The following HDAC9 variants were observed in gnomAD, a reference collection of about 807,000 sequenced individuals.
HDAC9 encodes MEF-2 interacting transcription repressor (MITR) protein.
A neutral mutation model predicts 139.4 loss-of-function variants in HDAC9; 41 were observed. That is an observed-to-expected ratio of 0.29 (90% CI 0.23 to 0.38). The LOEUF is 0.38. Among genes scored for constraint, HDAC9 ranks in the 10% least tolerant of loss-of-function variants. The probability of loss-of-function intolerance (pLI) is 1.00; values close to 1 mark genes in which losing one functional copy is unlikely to be tolerated. For missense variants in HDAC9, 1,147 were observed against 1,297.0 expected (o/e 0.88, Z 1.78); for synonymous variants, 517 against 476.2 (o/e 1.09, Z -1.12).
intron 25 of HDAC9, among the ~76,000 whole-genome samples, chr7:18,991,576 G>A (rs1488087573): frequency 2.0e-5 from 3 of 151,924 alleles, no homozygotes; most frequent in South Asian, 2.1e-4. Context: ...GGCGGAGCTT[G>A]CAGTGAGCGG....
intron 1 of HDAC9, among the ~76,000 whole-genome samples, chr7:18,422,103 T>G (rs1234010883): frequency 6.6e-6 from 1 of 152,220 alleles, no homozygotes; most frequent in Non-Finnish European, 1.5e-5. Context: ...AGAGGACATA[T>G]TCTCACATCT....
intron 6 of HDAC9, among the ~76,000 whole-genome samples, chr7:18,600,878 G>A (rs560206450): frequency 6.6e-6 from 1 of 152,278 alleles, no homozygotes; most frequent in South Asian, 2.1e-4. Flanking sequence ...AGGCTGCAGT[G>A]CAGTGGTGCA....
At chr7:18,959,069 T>G (rs1419300549) in intron 24 of HDAC9, among the ~76,000 whole-genome samples, 1 of 152,116 alleles carries the variant, frequency 6.6e-6, no homozygotes, top group Non-Finnish European at 1.5e-5. Flanking sequence ...CCCACCCTAG[T>G]GATTTACAGC....
intron 1 of HDAC9, among the ~76,000 whole-genome samples, chr7:18,335,448 A>G (rs1781515389): frequency 6.6e-6 from 1 of 151,506 alleles, no homozygotes; most frequent in South Asian, 2.1e-4. Flanking sequence ...CATCAGGCCC[A>G]CAATGGTCTT....
At chr7:18,129,871 G>A (rs985901948) in intron 1 of HDAC9, among the ~76,000 whole-genome samples, 1 of 152,144 alleles carries the variant, frequency 6.6e-6, no homozygotes, top group Non-Finnish European at 1.5e-5. Flanking sequence ...GTGTTAGGGA[G>A]AGCATCCGGT....
rs780151752 is a variant in HDAC9 at position 18,727,695 on chromosome 7, C to A, written c.1847C>A (p.Pro616His). 1.3e-6 allele frequency: 2 copies of A among 1,583,194 alleles called. No homozygotes were observed. Among genetic ancestry groups the A allele is most frequent in the Admixed American group, 3.8e-5 (2 of 52,238 alleles). The change falls in exon 13 of 26, where the codon CCT becomes CAT. Residue 616 changes from proline (P) to histidine (H), a missense_variant. Coordinates refer to ENST00000686413, the MANE Select transcript of HDAC9 (RefSeq NM_178425.4). Reference sequence around the variant, plus strand: ...CTCGTCTCCAGGACTCACTCTTCCCCTGCTGCCTCTGTTTTACCTCACCCA... The same window carrying A: ...CTCGTCTCCAGGACTCACTCTTCCCATGCTGCCTCTGTTTTACCTCACCCA... ...HRLVSRTHSSPAASVLPHPAM... is the reference protein window; with the variant it reads ...HRLVSRTHSSHAASVLPHPAM...
chr7:18,935,487 G>A (rs1356201473), intron 22 of HDAC9, among the ~76,000 whole-genome samples: 1 of 152,132 alleles, frequency 6.6e-6, no homozygotes, highest in Non-Finnish European at 1.5e-5. Context: ...GTTAACACCT[G>A]CTGAAGAGTA....
intron 2 of HDAC9, among the ~76,000 whole-genome samples, chr7:18,196,394 T>C (rs1272950488): frequency 6.6e-6 from 1 of 152,146 alleles, no homozygotes; most frequent in Non-Finnish European, 1.5e-5. Context: ...AGGTAAAGCT[T>C]CAGACAAACC....
At chr7:18,706,160 C>CTTTTT (rs1165670432) in intron 12 of HDAC9, among the ~76,000 whole-genome samples, 3 of 86,760 alleles carry the variant, frequency 3.5e-5, no homozygotes, top group Non-Finnish European at 4.3e-5. Flanking sequence ...GAAAGTTTTC[C>CTTTTT]TTTTTTTTTT....
intron 2 of HDAC9, among the ~76,000 whole-genome samples, chr7:18,512,923 G>A (rs1367130435): frequency 6.6e-6 from 1 of 152,164 alleles, no homozygotes; most frequent in Non-Finnish European, 1.5e-5. Context: ...TGATTATTTG[G>A]TTTGGGCAGG....
At chr7:18,822,865 T>G (rs1409293376) in intron 17 of HDAC9, among the ~76,000 whole-genome samples, 1 of 152,184 alleles carries the variant, frequency 6.6e-6, no homozygotes, top group African/African-American at 2.4e-5. Context: ...CTAACACAAG[T>G]TGTTAGGATT....
intron 2 of HDAC9, among the ~76,000 whole-genome samples, chr7:18,571,160 T>G (rs941301334): frequency 6.6e-6 from 1 of 152,262 alleles, no homozygotes. Context: ...ATTTTTAAAA[T>G]GTTTTAACGT....
intron 1 of HDAC9, among the ~76,000 whole-genome samples, chr7:18,481,262 A>G (rs1349691509): frequency 1.3e-5 from 2 of 152,196 alleles, no homozygotes; most frequent in African/African-American, 4.8e-5. Flanking sequence ...TAGGCTTTGA[A>G]CAGTTTGCTT....
intron 12 of HDAC9, chr7:18,667,734 G>C (rs1305742977): frequency 2.0e-6 from 2 of 984,626 alleles, no homozygotes; most frequent in Non-Finnish European, 2.4e-6. Flanking sequence ...TACTCTTTCT[G>C]TTTTTAAAGG....
intron 1 of HDAC9, among the ~76,000 whole-genome samples, chr7:18,137,913 T>C (rs11764688): frequency 0.16 from 23,981 of 150,352 alleles, 2,303 homozygotes; most frequent in South Asian, 0.33. Flanking sequence ...TGGTAGAATT[T>C]GGCTGTGAAT....
chr7:18,986,587 T>G (rs71524262), intron 25 of HDAC9, among the ~76,000 whole-genome samples: 43,460 of 138,536 alleles, frequency 0.31, 7,957 homozygotes, highest in Non-Finnish European at 0.44. Flanking sequence ...CTTTAAAGTA[T>G]TTTTTTCCAA....
At chr7:18,329,555 CAAA>C (rs58319995) in intron 1 of HDAC9, among the ~76,000 whole-genome samples, 2 of 115,448 alleles carry the variant, frequency 1.7e-5, no homozygotes, top group Non-Finnish European at 1.9e-5. Flanking sequence ...GTCATCTCTC[CAAA>C]AAAAAAAAAA....
intron 22 of HDAC9, among the ~76,000 whole-genome samples, chr7:18,880,722 A>C (rs980217715): frequency 6.6e-6 from 1 of 152,006 alleles, no homozygotes; most frequent in Non-Finnish European, 1.5e-5. Flanking sequence ...GTGATGAAAT[A>C]ATCTGTACAA....
intron 2 of HDAC9, among the ~76,000 whole-genome samples, chr7:18,581,187 T>C (rs1273540744): frequency 6.6e-6 from 1 of 152,146 alleles, no homozygotes; most frequent in Non-Finnish European, 1.5e-5. Flanking sequence ...CTGCAAGCAC[T>C]ATTGATTTCT....
Sources: allele counts gnomAD v4.1 joint callset (sites outside exome capture counted in the v4.1 genomes callset), GRCh38; gene constraint gnomAD v4.1.1; transcripts MANE v1.5; gene names NCBI Gene and HGNC (gene_info 2026-07-23, HGNC 2026-07-21).